TRPM1: variants seen among roughly 807,000 people sequenced by gnomAD.
TRPM1 encodes the protein TRPM1-203 APA Isoform, Intron 10.
In TRPM1, 113 loss-of-function variants were observed where a neutral mutation model predicts 149.4. The observed-to-expected ratio is 0.76, with a 90% CI of 0.65 to 0.88. The LOEUF is 0.88. Among genes scored for constraint, TRPM1 ranks in the 40% least tolerant of loss-of-function variants. The probability of loss-of-function intolerance (pLI) is 0.00; values close to 1 mark genes in which losing one functional copy is unlikely to be tolerated. For synonymous variants in TRPM1, 741 were observed against 759.5 expected (o/e 0.98, Z 0.40); for missense variants, 1,976 against 2,038.7 (o/e 0.97, Z 0.59).
At chr15:31,122,031 G>A (rs1196622271) in intron 1 of TRPM1, among the ~76,000 whole-genome samples, 1 of 152,182 alleles carries the variant, frequency 6.6e-6, no homozygotes, top group East Asian at 1.9e-4. Flanking sequence ...CTGATTCAAT[G>A]TCTAAAAATC....
chr15:31,084,788 T>A (rs1037446101), intron 1 of TRPM1, among the ~76,000 whole-genome samples: 6 of 150,238 alleles, frequency 4.0e-5, no homozygotes, highest in Non-Finnish European at 7.4e-5. Context: ...ATTCCCCGCC[T>A]CAGCCTCCTG....
chr15:31,063,192 A>C lies in TRPM1; in HGVS notation c.891T>G (p.Pro297=). The C allele has an allele frequency of 1.2e-6, 2 of 1,614,194 alleles. No homozygotes were observed. Among genetic ancestry groups the C allele is most frequent in the Non-Finnish European group, 1.7e-6 (2 of 1,180,028 alleles). The change falls in exon 8 of 28, where the codon CCT becomes CCG. Residue 297 remains proline, a synonymous_variant. Transcript: ENST00000256552. Reference sequence around the variant, plus strand: ...GTCCGCTGCCATCACAAATCACCACAGGGATGGGAGGCTCTTCTTGCAGGT... The same window carrying C: ...GTCCGCTGCCATCACAAATCACCACCGGGATGGGAGGCTCTTCTTGCAGGT... ...LEYLQEEPPI[P]VVICDGSGRA...
At chr15:31,111,147 G>T (rs2035682247) in intron 1 of TRPM1, among the ~76,000 whole-genome samples, 1 of 152,136 alleles carries the variant, frequency 6.6e-6, no homozygotes, top group Admixed American at 6.5e-5. Flanking sequence ...GTTGGTCCTG[G>T]ATCCTGCCAT....
intron 2 of TRPM1, among the ~76,000 whole-genome samples, chr15:31,080,100 G>A (rs910493506): frequency 2.0e-5 from 3 of 152,050 alleles, no homozygotes; most frequent in African/African-American, 7.2e-5. Context: ...GTAAATAAAC[G>A]CACAGGGGAG....
rs191430959 is a variant in TRPM1 at position 31,133,458 on chromosome 15, G to T, written c.54+27448C>A. On this transcript the variant is annotated intron_variant, in intron 1 of 26. Transcript: ENST00000542188. Reference sequence around the variant, plus strand: ...CACACCTGTAGTCAACACTTTGGGAGGGTAAGGCAGGCAGATCACTTGAGG... The same window carrying T: ...CACACCTGTAGTCAACACTTTGGGATGGTAAGGCAGGCAGATCACTTGAGG... Among the ~76,000 whole-genome samples, 70 of 152,254 alleles carry T rather than the reference G, an allele frequency of 4.6e-4. No individual in the cohort carries two copies. In the East Asian group the frequency reaches 0.01, roughly 23 times the overall value.
At chr15:31,050,679 A>C in intron 11 of TRPM1, 97 bp from the exon 12 acceptor site, 1 of 1,281,704 alleles carries the variant, frequency 7.8e-7, no homozygotes, top group Non-Finnish European at 1.1e-6. Flanking sequence ...ATGTGCACAC[A>C]TGCACACCAC....
intron 1 of TRPM1, among the ~76,000 whole-genome samples, chr15:31,098,786 AG>A (rs2035450778): frequency 6.6e-6 from 1 of 151,782 alleles, no homozygotes; most frequent in Non-Finnish European, 1.5e-5. Flanking sequence ...AGTTGTGATG[AG>A]GGAGGAGGAT....
intron 27 of TRPM1, among the ~76,000 whole-genome samples, chr15:31,006,846 T>C (rs946598978): frequency 1.3e-5 from 2 of 152,212 alleles, no homozygotes; most frequent in Non-Finnish European, 2.9e-5. Flanking sequence ...CTCATTCTGG[T>C]TTTAATTTTC....
chr15:31,148,123 A>G (rs1225768325), intron 1 of TRPM1, among the ~76,000 whole-genome samples: 1 of 152,230 alleles, frequency 6.6e-6, no homozygotes, highest in African/African-American at 2.4e-5. Context: ...CTTCCCCAAG[A>G]TTTCCATAAC....
At chr15:31,088,880 C>T (rs976220306) in intron 1 of TRPM1, among the ~76,000 whole-genome samples, 6 of 152,190 alleles carry the variant, frequency 3.9e-5, no homozygotes, top group East Asian at 3.9e-4. Context: ...TTTGGCCCCC[C>T]CGAGCGGGAG....
chr15:31,038,332 A>G (rs1486805871), intron 18 of TRPM1, among the ~76,000 whole-genome samples, 166 bp from the exon 19 acceptor site: 1 of 152,228 alleles, frequency 6.6e-6, no homozygotes, highest in Non-Finnish European at 1.5e-5. Context: ...AAATTAGTAG[A>G]ATTGCAGGCA....
At position 31,148,954 on chromosome 15, in the gene TRPM1, G is replaced by A. The variant is rs1567080491; in HGVS notation, c.54+11952C>T. On this transcript the variant is annotated intron_variant, in intron 1 of 26. Coordinates refer to the TRPM1 transcript ENST00000542188. ...CCGCAGTCCTGGGCAACCTGCAGAT[G>A]CCCTGCACAGCACACACGGCAAGAG... is the stretch of plus-strand genomic sequence containing the variant. Among the ~76,000 whole-genome samples, 3 of 152,202 alleles carry A rather than the reference G, an allele frequency of 2.0e-5. No homozygotes were observed. The South Asian group carries it at 6.2e-4, about 32-fold the overall frequency.
At chr15:31,150,496 G>A (rs1378594081) in intron 1 of TRPM1, among the ~76,000 whole-genome samples, 1 of 140,866 alleles carries the variant, frequency 7.1e-6, no homozygotes, top group Non-Finnish European at 1.5e-5. Context: ...GCGTGCAGTA[G>A]TGCGATCTCA....
intron 1 of TRPM1, among the ~76,000 whole-genome samples, chr15:31,130,673 C>T (rs757626029): frequency 8.5e-5 from 13 of 152,114 alleles, no homozygotes; most frequent in Non-Finnish European, 1.8e-4. Context: ...CTGATGCCAC[C>T]CAGACTGGTG....
At chr15:31,105,387 A>G (rs2035588196), upstream of TRPM1, among the ~76,000 whole-genome samples, 1 of 151,586 alleles carries the variant, frequency 6.6e-6, no homozygotes, top group East Asian at 1.9e-4. Context: ...TCTGAACTGA[A>G]TTGTTTCTGA....
intron 1 of TRPM1, among the ~76,000 whole-genome samples, chr15:31,125,189 CAAAACAA>C (rs1418613965): frequency 9.9e-6 from 1 of 101,220 alleles, no homozygotes; most frequent in Non-Finnish European, 2.0e-5. Flanking sequence ...AAAAACAAAA[CAAAACAA>C]AAAACAAAAA....
upstream of TRPM1, among the ~76,000 whole-genome samples, chr15:31,105,732 CAT>C (rs1177710811): frequency 1.3e-5 from 2 of 152,154 alleles, no homozygotes; most frequent in East Asian, 3.8e-4. Flanking sequence ...TTTCACCTTG[CAT>C]ATGTCCTATT....
intron 11 of TRPM1, among the ~76,000 whole-genome samples, chr15:31,059,459 G>A (rs1053468523): frequency 1.3e-5 from 2 of 152,198 alleles, no homozygotes; most frequent in Non-Finnish European, 2.9e-5. Context: ...AGGCTGTAGT[G>A]TAGTGGTGCA....
intron 1 of TRPM1, among the ~76,000 whole-genome samples, chr15:31,155,164 G>T (rs1382586662): frequency 6.6e-6 from 1 of 152,118 alleles, no homozygotes; most frequent in East Asian, 1.9e-4. Context: ...AACTTCCCTG[G>T]GTTCCAGCAA....
Sources: allele counts gnomAD v4.1 joint callset (sites outside exome capture counted in the v4.1 genomes callset), GRCh38; gene constraint gnomAD v4.1.1; transcripts MANE v1.5; gene names NCBI Gene and HGNC (gene_info 2026-07-23, HGNC 2026-07-21).